RWDD4: variants seen among roughly 807,000 people sequenced by gnomAD.
The protein encoded by RWDD4 is RWD domain containing 4.
In RWDD4, 16 loss-of-function variants were observed where a neutral mutation model predicts 30.0. The observed-to-expected ratio is 0.53, with a 90% confidence interval of 0.36 to 0.81. The LOEUF (loss-of-function observed/expected upper bound fraction) is 0.81, where lower values mean the gene tolerates loss of function less well. RWDD4 is among the 30% of genes least tolerant of loss of function. RWDD4 has a pLI of 0.00. For synonymous variants in RWDD4, 45 were observed against 72.1 expected, an observed-to-expected ratio of 0.62 and a Z score of 1.90; for missense variants, 170 against 223.9, an observed-to-expected ratio of 0.76 and a Z score of 1.54.
chr4:183,639,787 G>A lies in RWDD4; in HGVS notation c.*1649C>T, dbSNP rs951819500. 2.0e-5 allele frequency: 3 copies of A among 152,538 alleles called. No homozygotes were observed. The highest frequency in any genetic ancestry group is 4.4e-5 in the Non-Finnish European group (3 of 68,030). 9.4% of individuals were successfully genotyped at this position (152,538 alleles called of 1,614,324 possible). On this transcript the variant is annotated 3_prime_UTR_variant, in exon 8 of 8. Coordinates refer to ENST00000326397, the MANE Select transcript of RWDD4 (RefSeq NM_152682.4). ...AAGTGTTTTACATAAGGTAATAAGAGGTACCACCATCACCAGAACCCCTAC... is the reference window on the plus strand; with the variant it reads ...AAGTGTTTTACATAAGGTAATAAGAAGTACCACCATCACCAGAACCCCTAC...
intron 2 of RWDD4, 136 bp downstream of exon 2, chr4:183,655,745 A>T (rs572120369): frequency 3.4e-6 from 2 of 584,120 alleles, no homozygotes; most frequent in South Asian, 5.1e-5. Flanking sequence ...TGTTAGGGTG[A>T]TGTTTCCATT....
chr4:183,644,393 A>G (rs1733926301), intron 7 of RWDD4, among the ~76,000 whole-genome samples: 1 of 152,240 alleles, frequency 6.6e-6, no homozygotes, highest in Non-Finnish European at 1.5e-5. Flanking sequence ...ATATTTTTGT[A>G]CTAGTTACTA....
At position 183,655,901 on chromosome 4, in the gene RWDD4, G is replaced by T; in HGVS notation, c.85C>A (p.Pro29Thr). Residue 29 changes from proline to threonine, a missense_variant, in exon 2 of 8, where the codon CCA (proline) becomes ACA (threonine). Physicochemically the swap from Pro to Thr is conservative, Grantham distance 38. Transcript: ENST00000326397. Reference protein sequence around the residue: ...EGDESFRELSPVSFQYRIGEN... With the variant: ...EGDESFRELSTVSFQYRIGEN... ...CTTACCCTATATTGAAAAGAAACTG[G>T]ACTTAATTCCCGGAAACTTTCATCT... 1 of 1,609,284 alleles carries T rather than the reference G, an allele frequency of 6.2e-7. No homozygotes were observed. The highest frequency in any genetic ancestry group is 8.5e-7 in the Non-Finnish European group (1 of 1,176,786).
intron 7 of RWDD4, among the ~76,000 whole-genome samples, chr4:183,641,786 ACT>A (rs1733861020): frequency 6.6e-6 from 1 of 152,098 alleles, no homozygotes; most frequent in African/African-American, 2.4e-5. Context: ...AATGAATGAC[ACT>A]CTTCAAAAGT....
chr4:183,657,115 T>G lies in RWDD4; in HGVS notation c.25-1154A>C, dbSNP rs557450476. Among the ~76,000 whole-genome samples the G allele has an allele frequency of 2.0e-5, 3 of 152,258 alleles. No individual in the cohort carries two copies. The South Asian group carries it at 6.2e-4, about 31-fold the overall frequency. On this transcript the variant is annotated intron_variant, in intron 1 of 7. Transcript: ENST00000326397. Reference sequence around the variant, plus strand: ...TTAAGGAGTAGACCCTAAGACCTAGTAAGTATATGAAAAACAAGATATACC... The same window carrying G: ...TTAAGGAGTAGACCCTAAGACCTAGGAAGTATATGAAAAACAAGATATACC...
At chr4:183,646,592 A>G in intron 5 of RWDD4, 55 bp from the exon 6 acceptor site, 1 of 1,499,112 alleles carries the variant, frequency 6.7e-7, no homozygotes, top group South Asian at 1.2e-5. Flanking sequence ...TAGTTTTATA[A>G]TAATTAAGAT....
rs28703245 is a variant in RWDD4, at chr4:183,639,759, T to A, written c.*1677A>T. ...GATGACGGCAATATTGATGAGGCTGTTCAAGTGTTTTACATAAGGTAATAA... is the reference window on the plus strand; with the variant it reads ...GATGACGGCAATATTGATGAGGCTGATCAAGTGTTTTACATAAGGTAATAA... On this transcript the variant is annotated 3_prime_UTR_variant, in exon 8 of 8. Coordinates refer to ENST00000326397, the MANE Select transcript of RWDD4 (RefSeq NM_152682.4). 0.031 allele frequency: 4,734 copies of A among 152,624 alleles called. 95 individuals carry two copies. Among genetic ancestry groups the A allele is most frequent in the South Asian group, 0.12 (558 of 4,806 alleles). The allele number at this position is 152,624 out of a possible 1,614,324, so 9.5% of individuals were successfully genotyped here.
chr4:183,644,685 A>C (rs572305648), intron 7 of RWDD4, among the ~76,000 whole-genome samples: 1 of 152,184 alleles, frequency 6.6e-6, no homozygotes, highest in Non-Finnish European at 1.5e-5. Flanking sequence ...AGGCTGTGGC[A>C]CAAGAATTGC....
chr4:183,658,742 T>G (rs1490060974), intron 1 of RWDD4, among the ~76,000 whole-genome samples, 187 bp downstream of exon 1: 11 of 151,734 alleles, frequency 7.2e-5, no homozygotes, highest in Non-Finnish European at 5.9e-5. Flanking sequence ...GGGGGAAGAG[T>G]GGCAGAGGCG....
At chr4:183,658,301 G>A (rs1367952568) in intron 1 of RWDD4, among the ~76,000 whole-genome samples, 1 of 152,106 alleles carries the variant, frequency 6.6e-6, no homozygotes, top group African/African-American at 2.4e-5. Flanking sequence ...ACCTATCAAA[G>A]TTAGAAGGTT....
intron 1 of RWDD4, among the ~76,000 whole-genome samples, chr4:183,657,392 T>A (rs1734218377): frequency 6.6e-6 from 1 of 152,202 alleles, no homozygotes; most frequent in South Asian, 2.1e-4. Context: ...CTTGGACAGG[T>A]ACAAAAATAG....
intron 5 of RWDD4, 116 bp downstream of exon 5, chr4:183,649,335 G>C: frequency 1.6e-6 from 1 of 642,098 alleles, no homozygotes; most frequent in Non-Finnish European, 2.8e-6. Flanking sequence ...AATCGCATGA[G>C]CCTGGGAGGT....
In RWDD4 at chr4:183,651,047, C is replaced by G; in HGVS notation, c.300G>C (p.Leu100Phe). The change falls in exon 4 of 8, where the codon TTG (leucine) becomes TTC (phenylalanine). Residue 100 changes from leucine (L) to phenylalanine (F), a missense_variant. Transcript: ENST00000326397. ...ANLGTAMTYT[L>F]FEYAKDNKEQ... ...CTTTATTGTCTTTGGCATATTCAAA[C>G]AATGTATAGGTCATAGCGGTTCCAA... 6.2e-7 allele frequency: 1 copy of G among 1,613,568 alleles called. No homozygotes were observed. The highest frequency in any genetic ancestry group is 8.5e-7 in the Non-Finnish European group (1 of 1,179,982).
chr4:183,653,082 C>T (rs1483801610), intron 2 of RWDD4, among the ~76,000 whole-genome samples: 1 of 152,094 alleles, frequency 6.6e-6, no homozygotes, highest in Non-Finnish European at 1.5e-5. Flanking sequence ...TATAATGTCC[C>T]CAGATCTGAA....
In RWDD4 at chr4:183,651,061, T is replaced by G. The variant is rs769331959; in HGVS notation, c.286A>C (p.Met96Leu). ...EAVEANLGTA[M>L]TYTLFEYAKD... ...GCATATTCAAACAATGTATAGGTCA[T>G]AGCGGTTCCAAGATTAGCTTCTACT... The change falls in exon 4 of 8, where the codon ATG (methionine) becomes CTG (leucine). Residue 96 changes from methionine to leucine, a missense_variant. Coordinates refer to ENST00000326397, the MANE Select transcript of RWDD4 (RefSeq NM_152682.4). The G allele has an allele frequency of 6.2e-7, 1 of 1,613,812 alleles. No individual in the cohort carries two copies. Among genetic ancestry groups the G allele is most frequent in the Non-Finnish European group, 8.5e-7 (1 of 1,179,994 alleles).
rs779810852 is a variant in RWDD4, at chr4:183,658,969, C to G, written c.-17G>C. On this transcript the variant is annotated 5_prime_UTR_variant, in exon 1 of 8. Coordinates refer to ENST00000326397, the MANE Select transcript of RWDD4 (RefSeq NM_152682.4). ...GGCACTCATCGCGCCGGTCGCGGGGCGCCTCCTGAGCGGACGGCGTTCGCA... is the reference window on the plus strand; with the variant it reads ...GGCACTCATCGCGCCGGTCGCGGGGGGCCTCCTGAGCGGACGGCGTTCGCA... The G allele has an allele frequency of 6.0e-5, 76 of 1,273,954 alleles. No homozygotes were observed. Among genetic ancestry groups the G allele is most frequent in the Non-Finnish European group, 7.1e-5 (72 of 1,011,120 alleles). 78.9% of individuals were successfully genotyped at this position (1,273,954 alleles called of 1,614,324 possible). A position where few individuals can be genotyped will look rare whatever the true frequency, so the allele number is the denominator to read the frequency against.
intron 7 of RWDD4, among the ~76,000 whole-genome samples, chr4:183,644,131 G>A (rs1012399745): frequency 3.3e-5 from 5 of 152,200 alleles, no homozygotes; most frequent in Admixed American, 2.0e-4. Context: ...GCTGCACTAA[G>A]AGAGGCAACA....
In RWDD4 at chr4:183,649,612, TTG is replaced by T. The variant is rs775084767; in HGVS notation, c.364-46_364-45del. 1.0e-3 allele frequency: 1,117 copies of T among 1,068,082 alleles called. 3 individuals carry two copies. The highest frequency in any genetic ancestry group is 1.5e-3 in the Non-Finnish European group (1,041 of 706,332). 66.2% of individuals were successfully genotyped at this position (1,068,082 alleles called of 1,614,324 possible). On this transcript the variant is annotated intron_variant, in intron 4 of 7. Coordinates refer to ENST00000326397, the MANE Select transcript of RWDD4 (RefSeq NM_152682.4). ...AATTCTCAGCCTCATACCTTACAACTTGTGTTACACTAAATACAGCTATATCC... is the reference window on the plus strand; with the variant it reads ...AATTCTCAGCCTCATACCTTACAACTTGTTACACTAAATACAGCTATATCC...
intron 7 of RWDD4, among the ~76,000 whole-genome samples, chr4:183,643,062 AT>A (rs1733893014): frequency 1.6e-5 from 1 of 62,298 alleles, no homozygotes; most frequent in African/African-American, 6.0e-5. Flanking sequence ...CCGTTCAAAA[AT>A]AAATAAATAA....
Sources: gnomAD v4.1 joint callset for allele counts (sites outside exome capture counted in the v4.1 genomes callset) on GRCh38, gnomAD v4.1.1 for gene constraint, MANE v1.5 for transcripts, NCBI Gene and HGNC (gene_info 2026-07-23, HGNC 2026-07-21) for gene names.